Variants in DORIP1 observed in about 807,000 individuals in gnomAD.
DORIP1 encodes the protein dopamine receptor interacting protein 1, also known as dopamine receptor-interacting protein 1.
chr14:44,905,209 T>A, the DORIP1 span: 1 of 444,030 alleles, frequency 2.3e-6, no homozygotes, highest in Non-Finnish European at 3.9e-6. Flanking sequence ...AATTTCCACA[T>A]TTCCAATTTT....
chr14:44,903,212 C>T, the DORIP1 span: 1,263 of 1,607,156 alleles, frequency 7.9e-4, 7 homozygotes, highest in African/African-American at 0.015. Context: ...TATAGTCCTC[C>T]CCAAGAAATT....
the DORIP1 span, among the ~76,000 whole-genome samples, chr14:44,901,523 G>A: frequency 6.6e-6 from 1 of 152,160 alleles, no homozygotes; most frequent in Non-Finnish European, 1.5e-5. Context: ...CAGTAGCAAA[G>A]TAATGAATTA....
the DORIP1 span, among the ~76,000 whole-genome samples, chr14:44,901,491 C>A: frequency 6.6e-6 from 1 of 152,194 alleles, no homozygotes; most frequent in African/African-American, 2.4e-5. Flanking sequence ...AATTACTTTA[C>A]AAAACCAGCT....
At chr14:44,900,992 T>G in the DORIP1 span, 2 of 1,530,086 alleles carry the variant, frequency 1.3e-6, no homozygotes, top group Non-Finnish European at 1.7e-6. Flanking sequence ...TTGTCACTTT[T>G]ACTTTTTTTA....
At chr14:44,897,393 C>G in the DORIP1 span, 1 of 159,786 alleles carries the variant, frequency 6.3e-6, no homozygotes, top group Non-Finnish European at 1.4e-5. Context: ...GCCGCGGCGG[C>G]TGCCATGGAG....
the DORIP1 span, chr14:44,900,506 G>C: frequency 1.6e-5 from 26 of 1,590,812 alleles, no homozygotes; most frequent in African/African-American, 2.9e-4. Flanking sequence ...TCATTTTGTA[G>C]GCCTGTTCTT....
the DORIP1 span, among the ~76,000 whole-genome samples, chr14:44,901,186 A>T: frequency 6.6e-6 from 1 of 152,196 alleles, no homozygotes; most frequent in African/African-American, 2.4e-5. Flanking sequence ...AACATGTTGT[A>T]TGGATTTGTA....
chr14:44,905,757 T>C, the DORIP1 span: 1 of 331,794 alleles, frequency 3.0e-6, no homozygotes, highest in Non-Finnish European at 5.4e-6. Flanking sequence ...TCCTGAGTTA[T>C]TTTTATATGA....
At chr14:44,899,049 CA>C in the DORIP1 span, 1 of 152,110 alleles carries the variant, frequency 6.6e-6, no homozygotes, top group Admixed American at 6.6e-5. Context: ...TCCCTTTTTT[CA>C]TAACAATACT....
chr14:44,901,349 A>G, the DORIP1 span, among the ~76,000 whole-genome samples: 1 of 152,250 alleles, frequency 6.6e-6, no homozygotes, highest in African/African-American at 2.4e-5. Flanking sequence ...ACAAATGACA[A>G]TATTGCCAAA....
the DORIP1 span, chr14:44,905,502 G>A: frequency 1.9e-6 from 3 of 1,549,476 alleles, no homozygotes; most frequent in Admixed American, 3.4e-5. Context: ...AACCCCCAGA[G>A]TTTCTCCTCT....
the DORIP1 span, chr14:44,905,446 A>G: frequency 4.4e-5 from 69 of 1,575,078 alleles, 3 homozygotes; most frequent in South Asian, 7.7e-4. Flanking sequence ...TGGACATTGG[A>G]TGCACTATGA....
chr14:44,905,388 A>G, the DORIP1 span: 1 of 1,533,822 alleles, frequency 6.5e-7, no homozygotes, highest in Non-Finnish European at 8.9e-7. Flanking sequence ...AAGGTGCCAC[A>G]TTATTTAACA....
At chr14:44,904,564 A>G in the DORIP1 span, 2 of 1,535,898 alleles carry the variant, frequency 1.3e-6, no homozygotes, top group Admixed American at 2.2e-5. Flanking sequence ...TTATAAAACT[A>G]ATAAAAAAAA....
the DORIP1 span, chr14:44,900,929 A>G: frequency 6.2e-7 from 1 of 1,603,372 alleles, no homozygotes; most frequent in East Asian, 2.2e-5. Flanking sequence ...ACTCGAGTGC[A>G]GGAGGATCAG....
chr14:44,903,576 CT>C, the DORIP1 span: 5 of 1,045,982 alleles, frequency 4.8e-6, no homozygotes, highest in African/African-American at 6.7e-5. Flanking sequence ...CCTCAATTAT[CT>C]GGATTTTTTT....
chr14:44,899,988 C>T, the DORIP1 span, among the ~76,000 whole-genome samples: 5 of 151,884 alleles, frequency 3.3e-5, no homozygotes, highest in East Asian at 1.9e-4. Flanking sequence ...TGCGCCACCA[C>T]GCCCAGCTAA....
At chr14:44,902,231 CG>C in the DORIP1 span, among the ~76,000 whole-genome samples, 7 of 152,108 alleles carry the variant, frequency 4.6e-5, no homozygotes, top group African/African-American at 1.7e-4. Context: ...CTTGAACTCC[CG>C]GGCTCAAGTG....
At chr14:44,899,042 C>CT in the DORIP1 span, 3 of 152,128 alleles carry the variant, frequency 2.0e-5, no homozygotes, top group African/African-American at 7.2e-5. Context: ...AGATGCCTCC[C>CT]TTTTTTCATA....
Sources: gnomAD v4.1 joint callset for allele counts (sites outside exome capture counted in the v4.1 genomes callset) on GRCh38, gnomAD v4.1.1 for gene constraint, MANE v1.5 for transcripts, NCBI Gene and HGNC (gene_info 2026-07-23, HGNC 2026-07-21) for gene names.